The following KCNB2 variants were observed in gnomAD, a reference collection of about 807,000 sequenced individuals.
KCNB2 encodes the protein potassium voltage-gated channel subfamily B member 2.
Under a neutral mutation model 61.5 loss-of-function variants are expected in KCNB2, and 15 were observed. The observed-to-expected ratio is 0.24, with a 90% CI of 0.16 to 0.38. KCNB2 has a LOEUF of 0.38. Ranked by LOEUF, KCNB2 falls within the 10% of genes least tolerant of loss-of-function variation. The probability of loss-of-function intolerance (pLI) is 1.00; values close to 1 mark genes in which losing one functional copy is unlikely to be tolerated. For missense variants in KCNB2, 828 were observed against 1,125.2 expected (o/e 0.74, Z 3.78); for synonymous variants, 457 against 446.0 (o/e 1.02, Z -0.31).
At chr8:72,679,658 A>T (rs1806720587) in intron 2 of KCNB2, among the ~76,000 whole-genome samples, 1 of 152,154 alleles carries the variant, frequency 6.6e-6, no homozygotes, top group South Asian at 2.1e-4. Flanking sequence ...TTTCCAGTTA[A>T]ATTATCTATA....
intron 2 of KCNB2, among the ~76,000 whole-genome samples, chr8:72,667,296 G>T (rs1806492998): frequency 6.6e-6 from 1 of 152,024 alleles, no homozygotes; most frequent in Admixed American, 6.6e-5. Context: ...CCTCTCTCTT[G>T]TATGTGCACA....
At chr8:72,828,216 T>C (rs1003153091) in intron 2 of KCNB2, among the ~76,000 whole-genome samples, 11 of 152,310 alleles carry the variant, frequency 7.2e-5, no homozygotes, top group African/African-American at 2.4e-4. Context: ...ATTACTATAG[T>C]ATATTGTTAA....
chr8:72,887,618 C>T (rs529313783), intron 2 of KCNB2, among the ~76,000 whole-genome samples: 2 of 152,328 alleles, frequency 1.3e-5, no homozygotes, highest in East Asian at 3.9e-4. Context: ...TACAGTTTCT[C>T]AGGAGAAGGC....
intron 2 of KCNB2, among the ~76,000 whole-genome samples, chr8:72,674,656 A>G (rs1806620886): frequency 6.6e-6 from 1 of 152,214 alleles, no homozygotes; most frequent in Non-Finnish European, 1.5e-5. Flanking sequence ...GATACATGCC[A>G]TTTGCTTTGT....
intron 2 of KCNB2, among the ~76,000 whole-genome samples, chr8:72,721,401 T>G (rs1409028528): frequency 6.6e-6 from 1 of 152,268 alleles, no homozygotes; most frequent in Non-Finnish European, 1.5e-5. Context: ...ACCTCTTCTC[T>G]TTATTCCAGC....
chr8:72,938,284 T>G lies in KCNB2; in HGVS notation c.*193T>G, dbSNP rs987309454. On this transcript the variant is annotated 3_prime_UTR_variant, in exon 3 of 3. Coordinates refer to ENST00000523207, the MANE Select transcript of KCNB2 (RefSeq NM_004770.3). The stretch of plus-strand genomic sequence containing the variant: ...TAAATAATGAGTCAAGACTGCATTT[T>G]GTAACAAACCAACAAAAATGACTGA... The G allele has an allele frequency of 1.9e-6, 1 of 524,778 alleles. No homozygotes were observed. Among genetic ancestry groups the G allele is most frequent in the East Asian group, 3.1e-5 (1 of 32,730 alleles). The allele number at this position is 524,778 out of a possible 1,614,324, so 32.5% of individuals were successfully genotyped here.
At chr8:72,639,995 GT>G (rs879808296) in intron 2 of KCNB2, among the ~76,000 whole-genome samples, 75 of 145,586 alleles carry the variant, frequency 5.2e-4, no homozygotes, top group Admixed American at 3.4e-4. Context: ...GTATGTCATG[GT>G]TTTTTTTTTT....
intron 2 of KCNB2, among the ~76,000 whole-genome samples, chr8:72,824,429 G>A (rs896579503): frequency 1.3e-5 from 2 of 151,990 alleles, no homozygotes; most frequent in Non-Finnish European, 2.9e-5. Context: ...TAGTGGCCAG[G>A]TGTCACTTCC....
chr8:72,685,727 C>T (rs1433910959), intron 2 of KCNB2, among the ~76,000 whole-genome samples: 2 of 152,162 alleles, frequency 1.3e-5, no homozygotes, highest in South Asian at 4.1e-4. Flanking sequence ...CAGTGGCTCA[C>T]GCCTGTAATC....
At position 72,603,586 on chromosome 8, in the gene KCNB2, C is replaced by G. The variant is rs185785376; in HGVS notation, c.579+35273C>G. ...TTTCTTGTGTGTCAGCGATGCAGAG[C>G]AGAGTGGTCAACAACACAGACTCTG... On this transcript the variant is annotated intron_variant, in intron 2 of 2. Transcript: ENST00000523207. Among the ~76,000 whole-genome samples, 42 of 152,266 alleles carry G rather than the reference C, an allele frequency of 2.8e-4. 1 individual carries two copies. The East Asian group carries it at 7.9e-3, about 29-fold the overall frequency.
chr8:72,895,918 A>C (rs1159869081), intron 2 of KCNB2, among the ~76,000 whole-genome samples: 1 of 152,174 alleles, frequency 6.6e-6, no homozygotes, highest in Non-Finnish European at 1.5e-5. Context: ...CTGATTAGGG[A>C]TAGATTTTGT....
At chr8:72,706,017 G>A (rs909447473) in intron 2 of KCNB2, among the ~76,000 whole-genome samples, 2 of 152,202 alleles carry the variant, frequency 1.3e-5, no homozygotes, top group African/African-American at 4.8e-5. Flanking sequence ...TAGATCTGAG[G>A]CTCCTCTATT....
chr8:72,623,799 A>G (rs961950940), intron 2 of KCNB2, among the ~76,000 whole-genome samples: 13 of 152,214 alleles, frequency 8.5e-5, no homozygotes, highest in African/African-American at 3.1e-4. Context: ...ACATGAGAAG[A>G]TGGATTTATA....
chr8:72,917,916 C>T (rs887328428), intron 2 of KCNB2, among the ~76,000 whole-genome samples: 3 of 152,048 alleles, frequency 2.0e-5, no homozygotes, highest in African/African-American at 7.2e-5. Context: ...GATATTTTGA[C>T]AGGGAAGAGA....
chr8:72,912,760 C>A (rs552626594), intron 2 of KCNB2, among the ~76,000 whole-genome samples: 11 of 152,054 alleles, frequency 7.2e-5, no homozygotes, highest in Admixed American at 3.9e-4. Flanking sequence ...GGATTTGGAC[C>A]CACATAGCCT....
intron 2 of KCNB2, among the ~76,000 whole-genome samples, chr8:72,739,765 G>A (rs1439206665): frequency 6.6e-6 from 1 of 152,076 alleles, no homozygotes; most frequent in Non-Finnish European, 1.5e-5. Flanking sequence ...AGGAAGCTTT[G>A]GAAGAAATAG....
At chr8:72,812,391 G>T (rs561696216) in intron 2 of KCNB2, among the ~76,000 whole-genome samples, 1 of 151,990 alleles carries the variant, frequency 6.6e-6, no homozygotes, top group South Asian at 2.1e-4. Context: ...TCTTTTTCTG[G>T]TCTAATTTTG....
intron 2 of KCNB2, among the ~76,000 whole-genome samples, chr8:72,686,248 G>T (rs1432557268): frequency 6.6e-6 from 1 of 152,162 alleles, no homozygotes; most frequent in East Asian, 1.9e-4. Context: ...AGAGTCTGCA[G>T]TATGAGCTTG....
intron 2 of KCNB2, among the ~76,000 whole-genome samples, chr8:72,741,269 G>T (rs1388499366): frequency 6.6e-6 from 1 of 152,078 alleles, no homozygotes; most frequent in Non-Finnish European, 1.5e-5. Flanking sequence ...ATGTACCTTT[G>T]TACTTAGGAG....
Sources: gnomAD v4.1 joint callset for allele counts (sites outside exome capture counted in the v4.1 genomes callset) on GRCh38, gnomAD v4.1.1 for gene constraint, MANE v1.5 for transcripts, NCBI Gene and HGNC (gene_info 2026-07-23, HGNC 2026-07-21) for gene names.